Variants in SCAPER observed in about 807,000 individuals in gnomAD.
The protein encoded by SCAPER is S-phase cyclin A associated protein in the ER.
A neutral mutation model predicts 182.2 loss-of-function variants in SCAPER; 98 were observed. The observed-to-expected ratio is 0.54, with a 90% confidence interval of 0.46 to 0.64. SCAPER has a LOEUF of 0.64. Ranked by LOEUF, SCAPER falls within the 30% of genes least tolerant of loss-of-function variation. SCAPER has a pLI of 0.00. For synonymous variants in SCAPER, 605 were observed against 564.6 expected (o/e 1.07, Z -1.01); for missense variants, 1,432 against 1,690.0 (o/e 0.85, Z 2.68).
At chr15:76,793,160 A>AT (rs2065107478) in intron 8 of SCAPER, 2 of 964,582 alleles carry the variant, frequency 2.1e-6, no homozygotes, top group Non-Finnish European at 3.1e-6. Context: ...AACTAGAATT[A>AT]TTTTTTATAA....
intron 21 of SCAPER, among the ~76,000 whole-genome samples, chr15:76,656,892 T>A (rs2055688145): frequency 6.6e-6 from 1 of 152,182 alleles, no homozygotes. Context: ...GGGACACAGC[T>A]AAAGCAGTGT....
At chr15:76,867,860 T>G (rs1351124034) in intron 2 of SCAPER, among the ~76,000 whole-genome samples, 2 of 152,178 alleles carry the variant, frequency 1.3e-5, no homozygotes, top group Non-Finnish European at 2.9e-5. Context: ...CAGATGGCCA[T>G]GTGACTAAGT....
At chr15:76,769,506 G>C (rs1010041125) in intron 10 of SCAPER, among the ~76,000 whole-genome samples, 1 of 149,790 alleles carries the variant, frequency 6.7e-6, no homozygotes. Flanking sequence ...AGTGGGCAAA[G>C]GATATGAACA....
At chr15:76,773,516 T>C (rs2063578478) in intron 9 of SCAPER, among the ~76,000 whole-genome samples, 2 of 151,952 alleles carry the variant, frequency 1.3e-5, no homozygotes, top group African/African-American at 4.8e-5. Flanking sequence ...CTTACAACAC[T>C]AAAGAGTTTC....
intron 25 of SCAPER, among the ~76,000 whole-genome samples, chr15:76,466,891 G>A (rs2049709204): frequency 6.6e-6 from 1 of 152,024 alleles, no homozygotes. Flanking sequence ...ACTGTGATAT[G>A]GTTTGGATTT....
chr15:76,684,214 C>T (rs985389503), intron 20 of SCAPER, among the ~76,000 whole-genome samples: 2 of 151,938 alleles, frequency 1.3e-5, no homozygotes, highest in Non-Finnish European at 2.9e-5. Context: ...TCTACACATA[C>T]GAATATTAAC....
rs535701819 is a variant in SCAPER at position 76,609,971 on chromosome 15, C to T, written c.2711+11793G>A. Among the ~76,000 whole-genome samples the T allele has an allele frequency of 1.2e-4, 19 of 152,198 alleles. 1 individual carries two copies. Among genetic ancestry groups the T allele is most frequent in the African/African-American group, 4.6e-4 (19 of 41,492 alleles). ...GGTAGAATTGGCTATGATAAAACCC[C>T]AGAAGGTTAGGCTCTGGTGAAATAG... On this transcript the variant is annotated intron_variant, in intron 22 of 31. Transcript: ENST00000563290.
intron 2 of SCAPER, among the ~76,000 whole-genome samples, chr15:76,877,338 T>C (rs1486941119): frequency 6.6e-6 from 1 of 152,050 alleles, no homozygotes; most frequent in Non-Finnish European, 1.5e-5. Context: ...AGAGTCCAGA[T>C]AACAAGAGAA....
chr15:76,830,858 T>C lies in SCAPER; in HGVS notation c.393+10876A>G, dbSNP rs571230323. Among the ~76,000 whole-genome samples, 10 of 150,518 alleles carry C rather than the reference T, an allele frequency of 6.6e-5. No homozygotes were observed. The East Asian group carries it at 1.2e-3, about 18-fold the overall frequency. The stretch of plus-strand genomic sequence containing the variant: ...TTGTAAAGAAGGCATTGAGAGTGGA[T>C]AGAGGGAGAAGACAGATCCTGGGGC... On this transcript the variant is annotated intron_variant, in intron 5 of 31. Coordinates refer to ENST00000563290, the MANE Select transcript of SCAPER (RefSeq NM_020843.4).
At chr15:76,818,126 C>G (rs1598901773) in intron 5 of SCAPER, among the ~76,000 whole-genome samples, 1 of 152,280 alleles carries the variant, frequency 6.6e-6, no homozygotes, top group South Asian at 2.1e-4. Context: ...GAACAAAGAG[C>G]TCAGAAACAG....
rs1386773815 is a variant in SCAPER, at chr15:76,440,907, GTTTTTTTTTTGT to G, written c.3079-6609_3079-6598del. Among the ~76,000 whole-genome samples the G allele has an allele frequency of 4.3e-4, 36 of 82,850 alleles. 1 individual carries two copies. The highest frequency in any genetic ancestry group is 8.7e-4 in the African/African-American group (20 of 22,874). 54.4% of individuals were successfully genotyped at this position (82,850 alleles called of 152,430 possible). On this transcript the variant is annotated intron_variant, in intron 25 of 31. Transcript: ENST00000563290. ...ATCTTTTAAAATTATTCCCCTTCTG[GTTTTTTTTTTGT>G]TTTTTTTTTTTTTTTTTTTGGGGAC...
chr15:76,854,641 A>G (rs965958699), intron 4 of SCAPER, among the ~76,000 whole-genome samples: 1 of 151,920 alleles, frequency 6.6e-6, no homozygotes, highest in African/African-American at 2.4e-5. Context: ...AAAAACGCCC[A>G]AATAGCCAAG....
intron 17 of SCAPER, among the ~76,000 whole-genome samples, chr15:76,714,201 C>T (rs1419654577): frequency 1.3e-5 from 2 of 152,062 alleles, no homozygotes; most frequent in East Asian, 3.8e-4. Context: ...TACCAAGCAG[C>T]ATGAAATATT....
intron 27 of SCAPER, among the ~76,000 whole-genome samples, chr15:76,395,088 G>A (rs1173129569): frequency 6.6e-6 from 1 of 151,568 alleles, no homozygotes; most frequent in East Asian, 2.0e-4. Context: ...AAATAAGTGA[G>A]AACATGTGAT....
At chr15:76,401,908 C>A (rs150570423) in intron 27 of SCAPER, among the ~76,000 whole-genome samples, 1,724 of 152,268 alleles carry the variant, frequency 0.011, 39 homozygotes, top group African/African-American at 0.038. Flanking sequence ...GAGTGGAGCA[C>A]TTGAGGTCAG....
At chr15:76,475,296 CA>C (rs2050536399) in intron 24 of SCAPER, among the ~76,000 whole-genome samples, 1 of 151,644 alleles carries the variant, frequency 6.6e-6, no homozygotes, top group Non-Finnish European at 1.5e-5. Flanking sequence ...AACAGTTCTC[CA>C]TGACATCTAA....
At chr15:76,845,898 C>T (rs1006948614) in intron 4 of SCAPER, among the ~76,000 whole-genome samples, 4 of 151,680 alleles carry the variant, frequency 2.6e-5, no homozygotes, top group South Asian at 4.1e-4. Flanking sequence ...TTATCCTACA[C>T]GAAAAGAACA....
chr15:76,412,573 A>G (rs2045367614), intron 26 of SCAPER, among the ~76,000 whole-genome samples: 2 of 151,754 alleles, frequency 1.3e-5, no homozygotes, highest in Admixed American at 6.6e-5. Flanking sequence ...GTGTAGGTCT[A>G]TTTCTGTGCC....
chr15:76,683,750 G>C (rs1175198629), intron 20 of SCAPER, among the ~76,000 whole-genome samples: 2 of 152,002 alleles, frequency 1.3e-5, no homozygotes, highest in African/African-American at 4.8e-5. Context: ...ACACTGTAGG[G>C]GGTGGGGGGG....
Sources: gnomAD v4.1 joint callset for allele counts (sites outside exome capture counted in the v4.1 genomes callset) on GRCh38, gnomAD v4.1.1 for gene constraint, MANE v1.5 for transcripts, NCBI Gene and HGNC (gene_info 2026-07-23, HGNC 2026-07-21) for gene names.